The following PTPRT variants were observed in gnomAD, a reference collection of about 807,000 sequenced individuals.
PTPRT encodes protein tyrosine phosphatase receptor type T, also known as receptor-type tyrosine-protein phosphatase T.
In PTPRT, 56 loss-of-function variants were observed where a neutral mutation model predicts 176.8. The ratio of observed to expected loss-of-function variants is 0.32; its 90% CI spans 0.26 to 0.40. PTPRT has a LOEUF of 0.40. Ranked by LOEUF, PTPRT falls within the 10% of genes least tolerant of loss-of-function variation. PTPRT has a pLI of 1.00. For missense variants in PTPRT, 1,540 were observed against 1,908.2 expected, an observed-to-expected ratio of 0.81 and a Z score of 3.60; for synonymous variants, 783 against 739.0, an observed-to-expected ratio of 1.06 and a Z score of -0.96.
chr20:42,684,393 G>A (rs1001059757), intron 6 of PTPRT, among the ~76,000 whole-genome samples: 1 of 151,990 alleles, frequency 6.6e-6, no homozygotes, highest in Non-Finnish European at 1.5e-5. Flanking sequence ...TACAGCCAGT[G>A]GTCAATAAAT....
intron 7 of PTPRT, among the ~76,000 whole-genome samples, chr20:42,557,267 T>C (rs931423475): frequency 9.9e-5 from 15 of 152,100 alleles, no homozygotes; most frequent in African/African-American, 3.1e-4. Context: ...AATACAGCAA[T>C]AGCAACCAGA....
intron 1 of PTPRT, among the ~76,000 whole-genome samples, chr20:42,982,307 C>T (rs1983329596): frequency 6.6e-6 from 1 of 152,176 alleles, no homozygotes; most frequent in African/African-American, 2.4e-5. Context: ...CATCTGTCCT[C>T]ACAGAGCTCA....
rs180707611 is a variant in PTPRT at position 42,943,851 on chromosome 20, C to T, written c.89-57919G>A. Among the ~76,000 whole-genome samples the T allele has an allele frequency of 8.2e-4, 124 of 151,876 alleles. 1 individual carries two copies. Among genetic ancestry groups the T allele is most frequent in the Non-Finnish European group, 3.8e-4 (26 of 67,922 alleles). ...GCAACATAGCAACACCCTGTCTCTA[C>T]AAAAAAACTGAAAAACAATTAGCCT... On this transcript the variant is annotated intron_variant, in intron 1 of 30. Transcript: ENST00000373187.
chr20:43,070,489 G>T (rs2011165725), intron 1 of PTPRT, among the ~76,000 whole-genome samples: 1 of 152,106 alleles, frequency 6.6e-6, no homozygotes, highest in East Asian at 1.9e-4. Flanking sequence ...ATACCCAAAG[G>T]ATTACAAATC....
chr20:43,049,785 C>T (rs2091541834), intron 1 of PTPRT, among the ~76,000 whole-genome samples: 1 of 152,138 alleles, frequency 6.6e-6, no homozygotes, highest in Non-Finnish European at 1.5e-5. Flanking sequence ...CAGCATGAGG[C>T]CTGTTCATCC....
intron 19 of PTPRT, among the ~76,000 whole-genome samples, chr20:42,124,454 G>A (rs576436822): frequency 2.6e-5 from 4 of 152,128 alleles, no homozygotes; most frequent in Non-Finnish European, 4.4e-5. Flanking sequence ...ATACATTTTC[G>A]GGTGTGCAAA....
At chr20:42,042,942 A>T in the PTPRT span, among the ~76,000 whole-genome samples, 1 of 152,256 alleles carries the variant, frequency 6.6e-6, no homozygotes, top group Non-Finnish European at 1.5e-5. Context: ...AGACCAGCCC[A>T]TCCAGGTATG....
intron 1 of PTPRT, among the ~76,000 whole-genome samples, chr20:43,142,870 A>T (rs1179030582): frequency 6.6e-6 from 1 of 152,212 alleles, no homozygotes; most frequent in East Asian, 1.9e-4. Context: ...CTACCAACAG[A>T]AAGAGAGCAC....
At chr20:42,915,880 C>T (rs1016632801) in intron 1 of PTPRT, among the ~76,000 whole-genome samples, 1 of 151,858 alleles carries the variant, frequency 6.6e-6, no homozygotes, top group Non-Finnish European at 1.5e-5. Flanking sequence ...GGATTACAGG[C>T]GTGAGTCACC....
intron 28 of PTPRT, 77 bp downstream of exon 28, chr20:42,085,651 A>G (rs1443259363): frequency 6.3e-7 from 1 of 1,580,116 alleles, no homozygotes; most frequent in East Asian, 2.2e-5. Context: ...TGGCTGGCTC[A>G]GCGGGATCCT....
chr20:43,129,814 T>C (rs2013586250), intron 1 of PTPRT, among the ~76,000 whole-genome samples: 1 of 151,310 alleles, frequency 6.6e-6, no homozygotes, highest in Admixed American at 6.6e-5. Context: ...GAGACGGGGT[T>C]TCACCGTTTT....
At chr20:42,407,776 C>T (rs1352039801) in intron 9 of PTPRT, among the ~76,000 whole-genome samples, 1 of 151,988 alleles carries the variant, frequency 6.6e-6, no homozygotes, top group Non-Finnish European at 1.5e-5. Context: ...TGAGTGACTA[C>T]TTAAAAAATG....
chr20:42,773,807 G>A (rs1359824970), intron 4 of PTPRT, among the ~76,000 whole-genome samples: 6 of 152,156 alleles, frequency 3.9e-5, no homozygotes, highest in African/African-American at 1.4e-4. Context: ...CCCCAGGTGG[G>A]GAGGGAGTGC....
intron 7 of PTPRT, among the ~76,000 whole-genome samples, chr20:42,592,126 C>T (rs1199321114): frequency 7.9e-5 from 12 of 151,046 alleles, no homozygotes; most frequent in Admixed American, 6.6e-4. Flanking sequence ...ACTACAGGCA[C>T]CCACAACCAC....
At chr20:42,206,390 A>T (rs1045003629) in intron 15 of PTPRT, among the ~76,000 whole-genome samples, 4 of 152,178 alleles carry the variant, frequency 2.6e-5, no homozygotes, top group African/African-American at 9.7e-5. Flanking sequence ...CTCACTAGGG[A>T]GTGCCAGACA....
At chr20:42,575,741 T>C (rs2073247425) in intron 7 of PTPRT, among the ~76,000 whole-genome samples, 1 of 152,160 alleles carries the variant, frequency 6.6e-6, no homozygotes, top group Non-Finnish European at 1.5e-5. Flanking sequence ...CAACCCCTGA[T>C]GTAACAGATT....
At chr20:42,054,621 C>A in the PTPRT span, among the ~76,000 whole-genome samples, 1 of 152,138 alleles carries the variant, frequency 6.6e-6, no homozygotes, top group African/African-American at 2.4e-5. Context: ...GGGTCTAAGG[C>A]AGCAAGGGAG....
chr20:42,324,069 G>C (rs1600836123), intron 11 of PTPRT, among the ~76,000 whole-genome samples: 1 of 152,112 alleles, frequency 6.6e-6, no homozygotes, highest in Non-Finnish European at 1.5e-5. Context: ...GAATTAAACT[G>C]TTCATAGAAG....
At chr20:42,405,760 A>G (rs1411445527) in intron 9 of PTPRT, among the ~76,000 whole-genome samples, 1 of 152,146 alleles carries the variant, frequency 6.6e-6, no homozygotes, top group East Asian at 1.9e-4. Context: ...TCCTTGAGGA[A>G]TCACCACACT....
Sources: allele counts gnomAD v4.1 joint callset (sites outside exome capture counted in the v4.1 genomes callset), GRCh38; gene constraint gnomAD v4.1.1; transcripts MANE v1.5; gene names NCBI Gene and HGNC (gene_info 2026-07-23, HGNC 2026-07-21).